The following MLIP variants were observed in gnomAD, a reference collection of about 807,000 sequenced individuals.
MLIP encodes the protein muscular LMNA-interacting protein.
A neutral mutation model predicts 84.8 loss-of-function variants in MLIP; 79 were observed. That is an observed-to-expected ratio of 0.93 (90% CI 0.78 to 1.12). MLIP has a LOEUF of 1.12. MLIP is among the 50% of genes most tolerant of loss of function. MLIP has a pLI of 0.00. For missense variants in MLIP, 1,257 were observed against 1,160.6 expected, an observed-to-expected ratio of 1.08 and a Z score of -1.21; for synonymous variants, 504 against 463.0, an observed-to-expected ratio of 1.09 and a Z score of -1.14.
intron 1 of MLIP, among the ~76,000 whole-genome samples, chr6:54,038,262 C>G (rs919809197): frequency 1.3e-5 from 2 of 151,852 alleles, no homozygotes; most frequent in African/African-American, 2.4e-5. Context: ...AGGCCTGAAA[C>G]TTCTTGAAAA....
At chr6:54,043,447 A>G (rs1404577037) in intron 1 of MLIP, 1 of 152,204 alleles carries the variant, frequency 6.6e-6, no homozygotes, top group Non-Finnish European at 1.5e-5. Context: ...CATGTCATCT[A>G]TGTAATTTCT....
chr6:54,243,289 A>G (rs1781861011), intron 12 of MLIP, among the ~76,000 whole-genome samples: 1 of 152,208 alleles, frequency 6.6e-6, no homozygotes, highest in Admixed American at 6.6e-5. Flanking sequence ...TAGAGGGGGC[A>G]GCAAGCATAG....
At chr6:54,253,240 G>A (rs1043809348) in intron 12 of MLIP, among the ~76,000 whole-genome samples, 6 of 152,080 alleles carry the variant, frequency 3.9e-5, no homozygotes, top group African/African-American at 1.4e-4. Context: ...TTTGAGGGAT[G>A]GTCTTGAGAA....
intron 4 of MLIP, among the ~76,000 whole-genome samples, chr6:54,147,425 G>A (rs1772969079): frequency 6.6e-6 from 1 of 152,112 alleles, no homozygotes; most frequent in Non-Finnish European, 1.5e-5. Context: ...GTTGTCTAGA[G>A]ACCACAGCAG....
intron 5 of MLIP, among the ~76,000 whole-genome samples, chr6:54,149,984 A>T (rs994311180): frequency 6.6e-6 from 1 of 152,134 alleles, no homozygotes; most frequent in African/African-American, 2.4e-5. Context: ...TTCTCAATGC[A>T]CTAAGTCCAT....
At position 54,088,435 on chromosome 6, in the gene MLIP, C is replaced by T. The variant is rs77550346; in HGVS notation, c.64-33012C>T. Among the ~76,000 whole-genome samples the T allele has an allele frequency of 6.7e-4, 102 of 152,064 alleles. No homozygotes were observed. In the East Asian group the frequency reaches 7.3e-3, roughly 11 times the overall value. On this transcript the variant is annotated intron_variant, in intron 1 of 12. Coordinates refer to the MLIP transcript ENST00000274897. Reference sequence around the variant, plus strand: ...GTTAAACGAGGTCAAAGAGTGTGGCCGGCCACAAAGACTGTGTCATTATTT... The same window carrying T: ...GTTAAACGAGGTCAAAGAGTGTGGCTGGCCACAAAGACTGTGTCATTATTT...
chr6:54,261,215 C>T (rs1783367116), intron 13 of MLIP, among the ~76,000 whole-genome samples: 1 of 152,012 alleles, frequency 6.6e-6, no homozygotes, highest in South Asian at 2.1e-4. Flanking sequence ...ACTCTTCTAT[C>T]CACAACCACT....
intron 1 of MLIP, among the ~76,000 whole-genome samples, chr6:54,042,543 A>G (rs1375394097): frequency 2.0e-5 from 3 of 152,176 alleles, no homozygotes; most frequent in Admixed American, 2.0e-4. Flanking sequence ...CCAGAAAGTC[A>G]CAGTCTAGTT....
intron 1 of MLIP, among the ~76,000 whole-genome samples, chr6:54,077,097 T>A (rs1766852600): frequency 6.6e-6 from 1 of 152,144 alleles, no homozygotes; most frequent in Admixed American, 6.5e-5. Flanking sequence ...ATATTTTTAG[T>A]TTTGCAGTGT....
chr6:54,094,452 A>G (rs1768073215), intron 1 of MLIP, among the ~76,000 whole-genome samples: 1 of 152,162 alleles, frequency 6.6e-6, no homozygotes, highest in South Asian at 2.1e-4. Context: ...AGTATTCACA[A>G]GGGATTTCTG....
intron 1 of MLIP, 119 bp downstream of exon 1, chr6:54,111,694 T>C (rs1769479812): frequency 9.6e-7 from 1 of 1,038,876 alleles, no homozygotes; most frequent in South Asian, 1.6e-5. Context: ...TTTGTATGTA[T>C]ATTGAAATGA....
chr6:54,160,276 T>G, intron 5 of MLIP, 91 bp from the exon 6 acceptor site: 1 of 963,374 alleles, frequency 1.0e-6, no homozygotes, highest in South Asian at 1.5e-5. Context: ...TCTTGGAATA[T>G]TAATACATAC....
intron 1 of MLIP, among the ~76,000 whole-genome samples, chr6:54,069,045 A>T (rs1448743350): frequency 9.9e-6 from 1 of 101,156 alleles, no homozygotes; most frequent in African/African-American, 2.5e-5. Context: ...TCATACTATC[A>T]CCCACAGCTA....
At chr6:54,237,145 G>T (rs935143526) in intron 12 of MLIP, among the ~76,000 whole-genome samples, 5 of 151,790 alleles carry the variant, frequency 3.3e-5, no homozygotes, top group African/African-American at 1.2e-4. Flanking sequence ...GGGGAGTGGG[G>T]ACTGAGACAA....
At chr6:54,098,148 C>CTTTCT (rs1239993148) in intron 1 of MLIP, among the ~76,000 whole-genome samples, 5 of 123,858 alleles carry the variant, frequency 4.0e-5, no homozygotes, top group East Asian at 2.2e-4. Flanking sequence ...ATTTTTCTTT[C>CTTTCT]TTTTTTTTTT....
intron 8 of MLIP, 44 bp downstream of exon 8, chr6:54,160,843 T>C (rs772724987): frequency 1.3e-6 from 2 of 1,518,462 alleles, no homozygotes; most frequent in Non-Finnish European, 1.8e-6. Flanking sequence ...TAAGATTTAT[T>C]AGATCAATGA....
intron 1 of MLIP, among the ~76,000 whole-genome samples, chr6:54,060,506 T>G (rs2150331251): frequency 6.6e-6 from 1 of 152,296 alleles, no homozygotes; most frequent in South Asian, 2.1e-4. Flanking sequence ...ACATGCTAAG[T>G]GATTATGTGT....
intron 1 of MLIP, among the ~76,000 whole-genome samples, chr6:54,061,939 A>AT (rs768446555): frequency 7.2e-4 from 110 of 152,148 alleles, no homozygotes; most frequent in Non-Finnish European, 1.3e-3. Flanking sequence ...TTGGTTGTAT[A>AT]TTTTTTAAAC....
At chr6:54,035,722 T>C (rs184987432) in intron 1 of MLIP, among the ~76,000 whole-genome samples, 41 of 152,214 alleles carry the variant, frequency 2.7e-4, no homozygotes, top group Non-Finnish European at 4.9e-4. Flanking sequence ...GTTAGGGTGT[T>C]GAACATCTTT....
Sources: gnomAD v4.1 joint callset for allele counts (sites outside exome capture counted in the v4.1 genomes callset) on GRCh38, gnomAD v4.1.1 for gene constraint, MANE v1.5 for transcripts, NCBI Gene and HGNC (gene_info 2026-07-23, HGNC 2026-07-21) for gene names.